GNAZ: variants seen among roughly 807,000 people sequenced by gnomAD.
The protein encoded by GNAZ is guanine nucleotide-binding protein G(z) subunit alpha.
GNAZ carries 3 observed loss-of-function variants against 25.4 expected under a neutral mutation model. That is an observed-to-expected ratio of 0.12 (90% confidence interval 0.05 to 0.30). The LOEUF is 0.30. Among genes scored for constraint, GNAZ ranks in the 10% least tolerant of loss-of-function variants. The pLI is 1.00. For synonymous variants in GNAZ, 211 were observed against 205.7 expected (o/e 1.03, Z -0.22); for missense variants, 241 against 501.8 (o/e 0.48, Z 4.97).
rs377139627 is a variant in GNAZ, at chr22:23,096,170, G to A, written c.475G>A (p.Asp159Asn). 257 of 1,613,040 alleles carry A rather than the reference G, an allele frequency of 1.6e-4. No individual in the cohort carries two copies. Among genetic ancestry groups the A allele is most frequent in the Non-Finnish European group, 2.1e-4 (247 of 1,179,808 alleles). Residue 159 changes from aspartate to asparagine, a missense_variant, in exon 2 of 3, where the codon GAC becomes AAC. By Grantham distance (23) the Asp-to-Asn change is conservative. Coordinates refer to ENST00000615612, the MANE Select transcript of GNAZ (RefSeq NM_002073.4). Reference sequence around the variant, plus strand: ...GGACAACGCGGCCTACTACCTGAACGACCTGGAGCGCATCGCCGCAGCTGA... The same window carrying A: ...GGACAACGCGGCCTACTACCTGAACAACCTGGAGCGCATCGCCGCAGCTGA... ...LEDNAAYYLNDLERIAAADYI... is the reference protein window; with the variant it reads ...LEDNAAYYLNNLERIAAADYI...
chr22:23,120,666 C>A (rs1349387617), intron 2 of GNAZ, among the ~76,000 whole-genome samples: 2 of 152,050 alleles, frequency 1.3e-5, no homozygotes, highest in Admixed American at 1.3e-4. Context: ...CTTGTCCCCT[C>A]ACCCTTGAAC....
At chr22:23,102,293 C>A (rs1457874285) in intron 2 of GNAZ, among the ~76,000 whole-genome samples, 1 of 152,214 alleles carries the variant, frequency 6.6e-6, no homozygotes, top group Non-Finnish European at 1.5e-5. Context: ...GGCTCAAGCC[C>A]AAGATGGGAG....
At chr22:23,093,655 G>A (rs1032044022) in intron 1 of GNAZ, among the ~76,000 whole-genome samples, 2 of 152,216 alleles carry the variant, frequency 1.3e-5, no homozygotes, top group Non-Finnish European at 2.9e-5. Context: ...GATACCTGTG[G>A]CCAGTGAGGG....
chr22:23,107,283 C>T (rs955864907), intron 2 of GNAZ, among the ~76,000 whole-genome samples: 4 of 152,170 alleles, frequency 2.6e-5, no homozygotes, highest in African/African-American at 4.8e-5. Context: ...CAGAGGAGCC[C>T]CATCTGTCGC....
intron 2 of GNAZ, among the ~76,000 whole-genome samples, chr22:23,101,303 T>C (rs1255797460): frequency 6.6e-6 from 1 of 151,704 alleles, no homozygotes; most frequent in Non-Finnish European, 1.5e-5. Context: ...GGAATTCCAG[T>C]GGCCCCCCTC....
At chr22:23,120,536 T>C (rs1439395159) in intron 2 of GNAZ, among the ~76,000 whole-genome samples, 6 of 152,108 alleles carry the variant, frequency 3.9e-5, no homozygotes, top group Admixed American at 3.9e-4. Context: ...CTTACCTAAA[T>C]TCCACTGCCT....
intron 1 of GNAZ, among the ~76,000 whole-genome samples, chr22:23,093,564 G>A (rs900358588): frequency 1.3e-5 from 2 of 152,214 alleles, no homozygotes; most frequent in African/African-American, 2.4e-5. Context: ...CGCTCACAGC[G>A]ACAAGCACAG....
chr22:23,090,000 C>T (rs1288126830), intron 1 of GNAZ, among the ~76,000 whole-genome samples: 3 of 152,158 alleles, frequency 2.0e-5, no homozygotes, highest in Admixed American at 6.5e-5. Flanking sequence ...GGCCCTATGT[C>T]GCACTAAGTC....
intron 1 of GNAZ, among the ~76,000 whole-genome samples, chr22:23,075,813 T>C (rs2068493286): frequency 6.6e-6 from 1 of 152,134 alleles, no homozygotes; most frequent in Non-Finnish European, 1.5e-5. Flanking sequence ...GCCCCTGGGA[T>C]GGAGAGCTGC....
At chr22:23,086,851 C>T (rs900977400) in intron 1 of GNAZ, among the ~76,000 whole-genome samples, 2 of 152,210 alleles carry the variant, frequency 1.3e-5, no homozygotes, top group African/African-American at 2.4e-5. Context: ...ACACAAAGGA[C>T]ACCTGGCTCC....
chr22:23,078,355 A>G (rs1174679660), intron 1 of GNAZ, among the ~76,000 whole-genome samples: 1 of 152,152 alleles, frequency 6.6e-6, no homozygotes, highest in Admixed American at 6.5e-5. Flanking sequence ...TGATAACACC[A>G]CGCACGCAAG....
In GNAZ at chr22:23,095,538, G is replaced by A. The variant is rs137980658; in HGVS notation, c.-158G>A. ...CATGCCGGCTGGAGAAGAGGCGCTG[G>A]GGCAGGGGCTGCAGTGTGGCTCGGC... is the stretch of plus-strand genomic sequence containing the variant. On this transcript the variant is annotated 5_prime_UTR_variant, in exon 2 of 3. Transcript: ENST00000615612. 130 of 757,580 alleles carry A rather than the reference G, an allele frequency of 1.7e-4. 1 individual carries two copies. The African/African-American group carries it at 2.1e-3, about 12-fold the overall frequency. The allele number at this position is 757,580 out of a possible 1,614,324, so 46.9% of individuals were successfully genotyped here.
Position 23,111,101 on chromosome 22 carries a change from G to A in GNAZ, c.724-11986G>A, listed in dbSNP as rs558012792. 1.8e-4 allele frequency among the ~76,000 whole-genome samples: 27 copies of A among 152,308 alleles called. No individual in the cohort carries two copies. In the East Asian group the frequency reaches 4.6e-3, roughly 26 times the overall value. On this transcript the variant is annotated intron_variant, in intron 2 of 2. Transcript: ENST00000615612. ...GGGCCTGCGCGCCTTCCCTGTGAGC[G>A]TGAGCAGGAATGACTCATGCCTCCT... is the stretch of plus-strand genomic sequence containing the variant.
intron 2 of GNAZ, among the ~76,000 whole-genome samples, chr22:23,098,380 G>C (rs763259035): frequency 6.6e-6 from 1 of 152,214 alleles, no homozygotes; most frequent in Non-Finnish European, 1.5e-5. Context: ...TGAGCTCCTC[G>C]GGGCAGGCCC....
chr22:23,115,852 G>A (rs1375038111), intron 2 of GNAZ, among the ~76,000 whole-genome samples: 2 of 152,244 alleles, frequency 1.3e-5, no homozygotes, highest in African/African-American at 4.8e-5. Flanking sequence ...TCCTAGCAGA[G>A]TTACTCATTC....
intron 1 of GNAZ, among the ~76,000 whole-genome samples, chr22:23,082,889 C>T (rs1408509119): frequency 6.6e-6 from 1 of 152,182 alleles, no homozygotes; most frequent in Non-Finnish European, 1.5e-5. Context: ...GCAGAGTCCA[C>T]AGTGTCTTCC....
At chr22:23,117,837 T>C (rs2069895590) in intron 2 of GNAZ, among the ~76,000 whole-genome samples, 1 of 152,186 alleles carries the variant, frequency 6.6e-6, no homozygotes, top group African/African-American at 2.4e-5. Context: ...CCCCTTTGTG[T>C]CACCAGGAGA....
chr22:23,113,803 G>T lies in GNAZ; in HGVS notation c.724-9284G>T, dbSNP rs1296905173. Among the ~76,000 whole-genome samples, 3 of 152,382 alleles carry T rather than the reference G, an allele frequency of 2.0e-5. No individual in the cohort carries two copies. The East Asian group carries it at 5.8e-4, about 29-fold the overall frequency. On this transcript the variant is annotated intron_variant, in intron 2 of 2. Transcript: ENST00000615612. Reference sequence around the variant, plus strand: ...GCACTCAGGATGGCCCAGGCAGGTTGCAGAGGCTCCTGCCCACCAGGCCTG... The same window carrying T: ...GCACTCAGGATGGCCCAGGCAGGTTTCAGAGGCTCCTGCCCACCAGGCCTG...
At chr22:23,080,938 G>A (rs1000780974) in intron 1 of GNAZ, among the ~76,000 whole-genome samples, 6 of 152,190 alleles carry the variant, frequency 3.9e-5, no homozygotes, top group African/African-American at 7.2e-5. Flanking sequence ...CCAGGGCAGC[G>A]GGCACTCTCT....
Sources: gnomAD v4.1 joint callset for allele counts (sites outside exome capture counted in the v4.1 genomes callset) on GRCh38, gnomAD v4.1.1 for gene constraint, MANE v1.5 for transcripts, NCBI Gene and HGNC (gene_info 2026-07-23, HGNC 2026-07-21) for gene names.